Variants in ANKS3 observed in about 807,000 individuals in gnomAD.
The protein encoded by ANKS3 is ankyrin repeat and SAM domain-containing protein 3.
Under a neutral mutation model 80.7 loss-of-function variants are expected in ANKS3, and 62 were observed. The observed-to-expected ratio is 0.77, with a 90% CI of 0.63 to 0.95. ANKS3 has a LOEUF of 0.95. Among genes scored for constraint, ANKS3 ranks in the 40% least tolerant of loss-of-function variants. The pLI is 0.00. For missense variants in ANKS3, 1,150 were observed against 883.6 expected (o/e 1.30, Z -3.82); for synonymous variants, 489 against 355.3 (o/e 1.38, Z -4.23).
At chr16:4,701,261 C>T (rs140099226) in intron 10 of ANKS3, 127 bp from the exon 11 acceptor site, 20,631 of 1,471,940 alleles carry the variant, frequency 0.014, 206 homozygotes, top group Middle Eastern at 0.039. Context: ...CAGGGGCTTC[C>T]GGTGCGTTCG....
chr16:4,712,895 G>C (rs1390603282), intron 7 of ANKS3, among the ~76,000 whole-genome samples: 3 of 152,128 alleles, frequency 2.0e-5, no homozygotes, highest in Non-Finnish European at 2.9e-5. Flanking sequence ...TTATATGTTA[G>C]TACACCTGTA....
At chr16:4,703,768 C>G (rs2080042929) in intron 8 of ANKS3, among the ~76,000 whole-genome samples, 1 of 152,172 alleles carries the variant, frequency 6.6e-6, no homozygotes, top group African/African-American at 2.4e-5. Context: ...ATTTAAATTT[C>G]ACAAGGTATG....
chr16:4,729,931 A>G (rs542161637), intron 3 of ANKS3, 49 bp downstream of exon 3: 22 of 1,400,076 alleles, frequency 1.6e-5, no homozygotes, highest in East Asian at 2.6e-5. Flanking sequence ...GATCGAAGCC[A>G]TCACTGCGCT....
chr16:4,698,664 G>A lies in ANKS3; in HGVS notation c.1552-65C>T, dbSNP rs573123613. The A allele has an allele frequency of 3.8e-4, 584 of 1,521,612 alleles. 3 individuals are homozygous for A. The African/African-American group carries it at 6.6e-3, about 17-fold the overall frequency. The allele number at this position is 1,521,612 out of a possible 1,614,324, so 94.3% of individuals were successfully genotyped here. A position where few individuals can be genotyped will look rare whatever the true frequency, so the allele number is the denominator to read the frequency against. ...CCGGTCAAGCCAGACCCTTGGCCAC[G>A]GCCCTGTCCTGTGTGTGGGGCCCTC... On this transcript the variant is annotated intron_variant, in intron 13 of 17. Transcript: ENST00000304283.
chr16:4,733,888 T>C (rs1424574895), intron 1 of ANKS3, 50 bp downstream of exon 1: 15 of 982,720 alleles, frequency 1.5e-5, no homozygotes, highest in African/African-American at 1.7e-5. Flanking sequence ...ATCGCAAAGG[T>C]AGCTCACTGG....
rs887053339 is a variant in ANKS3, at chr16:4,731,560, C to A, written c.-51G>T. 4 of 881,474 alleles carry A rather than the reference C, an allele frequency of 4.5e-6. No individual in the cohort carries two copies. The highest frequency in any genetic ancestry group is 5.8e-4 in the Middle Eastern group (1 of 1,722). 54.6% of individuals were successfully genotyped at this position (881,474 alleles called of 1,614,324 possible). On this transcript the variant is annotated 5_prime_UTR_variant, in exon 2 of 18. Transcript: ENST00000304283. ...CCTCTCAAAGTCCTGGAAATATAGG[C>A]GTGAGCCACTGCACCTGGCCTGTAA...
intron 4 of ANKS3, 81 bp from the exon 5 acceptor site, chr16:4,726,861 G>T: frequency 6.3e-7 from 1 of 1,596,644 alleles, no homozygotes; most frequent in South Asian, 1.1e-5. Flanking sequence ...CATGCTGCAA[G>T]AATCAGAAGT....
At chr16:4,699,654 C>G (rs1239797884) in intron 11 of ANKS3, 1 of 175,612 alleles carries the variant, frequency 5.7e-6, no homozygotes, top group Admixed American at 5.4e-5. Context: ...TGTTTCTCAC[C>G]CATCGTTTCT....
intron 6 of ANKS3, among the ~76,000 whole-genome samples, chr16:4,717,106 G>C (rs562349532): frequency 6.6e-6 from 1 of 151,860 alleles, no homozygotes; most frequent in African/African-American, 2.4e-5. Context: ...GCCGGGCGTG[G>C]TGGCACACGT....
chr16:4,709,750 C>G (rs999409620), intron 7 of ANKS3, among the ~76,000 whole-genome samples: 3 of 152,210 alleles, frequency 2.0e-5, no homozygotes, highest in Non-Finnish European at 4.4e-5. Flanking sequence ...GTGACTCACA[C>G]TTGTAATCCC....
chr16:4,698,141 A>AGG, intron 14 of ANKS3, 79 bp from the exon 15 acceptor site: 1 of 1,454,206 alleles, frequency 6.9e-7, no homozygotes, highest in Non-Finnish European at 9.4e-7. Context: ...CTTCTAGGGG[A>AGG]GGGAGGGGCT....
intron 6 of ANKS3, among the ~76,000 whole-genome samples, chr16:4,718,558 G>A (rs1037974847): frequency 1.3e-5 from 2 of 152,214 alleles, no homozygotes; most frequent in African/African-American, 4.8e-5. Context: ...TCTACCTCCA[G>A]AAATGGAGCC....
At position 4,712,774 on chromosome 16, in the gene ANKS3, G is replaced by T. The variant is rs551145477; in HGVS notation, c.709+1277C>A. The stretch of plus-strand genomic sequence containing the variant: ...TAAGGAGGCTCACTATCTCCACTAT[G>T]TTGAACAATGAGCTAGAGGTGTTAG... On this transcript the variant is annotated intron_variant, in intron 7 of 17. Coordinates refer to ENST00000304283, the MANE Select transcript of ANKS3 (RefSeq NM_133450.4). Among the ~76,000 whole-genome samples, 7 of 152,260 alleles carry T rather than the reference G, an allele frequency of 4.6e-5. No homozygotes were observed. The South Asian group carries it at 1.5e-3, about 32-fold the overall frequency.
chr16:4,720,598 C>G (rs1375284759), intron 6 of ANKS3, among the ~76,000 whole-genome samples: 1 of 151,426 alleles, frequency 6.6e-6, no homozygotes, highest in Non-Finnish European at 1.5e-5. Flanking sequence ...AGAACACATC[C>G]TAAGCTCCTG....
In ANKS3 at chr16:4,698,523, A is replaced by AG. The variant is rs2079709429; in HGVS notation, c.1627dup (p.Leu543ProfsTer38). 1.3e-6 allele frequency: 2 copies of AG among 1,572,278 alleles called. No homozygotes were observed. The highest frequency in any genetic ancestry group is 8.6e-7 in the Non-Finnish European group (1 of 1,167,260). The stretch of plus-strand genomic sequence containing the variant: ...CTCGCGGGCGCGGTCCTGCTCCAGC[A>AG]GGCAGCTCTCCACCACGGCGCGCAG... On this transcript the variant is annotated frameshift_variant, in exon 14 of 18. Coordinates refer to ENST00000304283, the MANE Select transcript of ANKS3 (RefSeq NM_133450.4). LOFTEE classifies it high-confidence loss of function.
At chr16:4,723,311 C>T (rs964805424) in intron 6 of ANKS3, among the ~76,000 whole-genome samples, 5 of 152,226 alleles carry the variant, frequency 3.3e-5, no homozygotes, top group African/African-American at 1.2e-4. Flanking sequence ...ACCCAGGAAA[C>T]CACTCATCTA....
rs371634560 is a variant in ANKS3 at position 4,698,845 on chromosome 16, G to A, written c.1506C>T (p.Asp502=). 1.2e-6 allele frequency: 2 copies of A among 1,607,478 alleles called. No individual in the cohort carries two copies. Among genetic ancestry groups the A allele is most frequent in the African/African-American group, 1.3e-5 (1 of 75,012 alleles). Residue 502 remains aspartate (D), a synonymous_variant, in exon 13 of 18, where the codon GAC becomes GAT. Coordinates refer to ENST00000304283, the MANE Select transcript of ANKS3 (RefSeq NM_133450.4). The part of the protein sequence containing the change: ...PGDALELAYA[D]RLEAEMQELA... ...GCTCCTGCATCTCAGCCTCCAGCCG[G>A]TCGGCGTAGGCCAGCTCCAGGGCAT...
In ANKS3 at chr16:4,698,899, G is replaced by C. The variant is rs1162734045; in HGVS notation, c.1452C>G (p.Arg484=). 6.3e-7 allele frequency: 1 copy of C among 1,598,580 alleles called. No homozygotes were observed. Among genetic ancestry groups the C allele is most frequent in the African/African-American group, 1.3e-5 (1 of 74,770 alleles). The stretch of plus-strand genomic sequence containing the variant: ...CGGGTGGGCGGGCACTGCTGTGCCA[G>C]CGGGCAATGGCGGACGTCATCTTCC... The part of the protein sequence containing the change: ...PKRKMTSAIA[R]WHSSARPPGD... Residue 484 remains arginine, a synonymous_variant, in exon 13 of 18, where the codon CGC becomes CGG. Transcript: ENST00000304283.
intron 6 of ANKS3, among the ~76,000 whole-genome samples, chr16:4,721,139 AC>A (rs2081070329): frequency 6.7e-6 from 1 of 148,752 alleles, no homozygotes; most frequent in Non-Finnish European, 1.5e-5. Flanking sequence ...CCCCGTCTCT[AC>A]TAAAAATATG....
Sources: allele counts gnomAD v4.1 joint callset (sites outside exome capture counted in the v4.1 genomes callset), GRCh38; gene constraint gnomAD v4.1.1; transcripts MANE v1.5; gene names NCBI Gene and HGNC (gene_info 2026-07-23, HGNC 2026-07-21).